Variants in AIDA observed in about 807,000 individuals in gnomAD.
The protein encoded by AIDA is axin interactor, dorsalization associated.
In AIDA, 18 loss-of-function variants were observed where a neutral mutation model predicts 42.7. That is an observed-to-expected ratio of 0.42 (90% CI 0.29 to 0.63). AIDA has a LOEUF of 0.63. Among genes scored for constraint, AIDA ranks in the 20% least tolerant of loss-of-function variants. AIDA has a pLI of 0.19. For missense variants in AIDA, 250 were observed against 354.1 expected (o/e 0.71, Z 2.36); for synonymous variants, 104 against 122.9 (o/e 0.85, Z 1.02).
chr1:222,679,245 C>T (rs1664610052), intron 6 of AIDA, among the ~76,000 whole-genome samples: 1 of 150,118 alleles, frequency 6.7e-6, no homozygotes, highest in South Asian at 2.1e-4. Flanking sequence ...AATTAAAAAT[C>T]AAGGCAATGT....
In AIDA at chr1:222,698,911, C is replaced by T. The variant is rs369225067; in HGVS notation, c.180+4237G>A. Among the ~76,000 whole-genome samples, 22 of 152,046 alleles carry T rather than the reference C, an allele frequency of 1.4e-4. No individual in the cohort carries two copies. The South Asian group carries it at 4.4e-3, about 30-fold the overall frequency. ...CAGGATCTTGGTTCACTGCAAGCTCCGCCTCCCAGGTTCATGCCATTGTTC... is the reference window on the plus strand; with the variant it reads ...CAGGATCTTGGTTCACTGCAAGCTCTGCCTCCCAGGTTCATGCCATTGTTC... On this transcript the variant is annotated intron_variant, in intron 2 of 9. Coordinates refer to ENST00000340020, the MANE Select transcript of AIDA (RefSeq NM_022831.4).
intron 1 of AIDA, among the ~76,000 whole-genome samples, chr1:222,705,066 A>G (rs971609204): frequency 2.6e-5 from 4 of 152,224 alleles, no homozygotes; most frequent in Non-Finnish European, 4.4e-5. Context: ...CCTCTATCCA[A>G]TTTATGAAAG....
intron 4 of AIDA, among the ~76,000 whole-genome samples, chr1:222,692,777 A>T (rs966482786): frequency 1.5e-4 from 23 of 152,176 alleles, no homozygotes; most frequent in Non-Finnish European, 2.4e-4. Flanking sequence ...TTGAAGGATG[A>T]ATTTATGGAA....
intron 2 of AIDA, among the ~76,000 whole-genome samples, chr1:222,697,968 G>T (rs968890139): frequency 6.6e-6 from 1 of 151,008 alleles, no homozygotes; most frequent in Non-Finnish European, 1.5e-5. Context: ...ACAGGGAAAC[G>T]CTTTCTAAGC....
intron 6 of AIDA, among the ~76,000 whole-genome samples, chr1:222,680,422 A>C (rs1159126822): frequency 1.3e-5 from 2 of 152,182 alleles, no homozygotes; most frequent in African/African-American, 2.4e-5. Flanking sequence ...TTTTCAATTC[A>C]ATGTGATTTC....
intron 4 of AIDA, among the ~76,000 whole-genome samples, chr1:222,688,603 A>AT (rs137904990): frequency 0.035 from 5,101 of 145,110 alleles, 241 homozygotes; most frequent in African/African-American, 0.11. Context: ...AAAAAAGTTA[A>AT]TTTTTTTTTT....
intron 6 of AIDA, 47 bp downstream of exon 6, chr1:222,686,883 C>T (rs1229044084): frequency 1.1e-5 from 17 of 1,580,250 alleles, no homozygotes; most frequent in Non-Finnish European, 1.4e-5. Flanking sequence ...AACACCCTGA[C>T]TCTGGTTGCA....
intron 4 of AIDA, among the ~76,000 whole-genome samples, chr1:222,688,769 T>G (rs1655268264): frequency 6.6e-6 from 1 of 152,092 alleles, no homozygotes; most frequent in African/African-American, 2.4e-5. Flanking sequence ...CTGGCTAATT[T>G]TTGTATTTTT....
At chr1:222,695,720 T>C (rs1022679463) in intron 2 of AIDA, among the ~76,000 whole-genome samples, 5 of 152,310 alleles carry the variant, frequency 3.3e-5, no homozygotes, top group South Asian at 4.1e-4. Context: ...CCAAAAGAGA[T>C]ACTTCTTAAG....
At chr1:222,694,404 T>C (rs1219188214) in intron 2 of AIDA, 141 bp from the exon 3 acceptor site, 3 of 766,180 alleles carry the variant, frequency 3.9e-6, no homozygotes, top group Non-Finnish European at 6.4e-6. Context: ...TCTTTCAGAC[T>C]CTAGAGAAAA....
intron 1 of AIDA, among the ~76,000 whole-genome samples, chr1:222,711,053 C>T (rs1052723461): frequency 8.0e-6 from 1 of 124,280 alleles, no homozygotes; most frequent in Non-Finnish European, 1.6e-5. Flanking sequence ...AAGTACCAAG[C>T]GTATATTCTT....
rs1202493880 is a variant in AIDA at position 222,676,211 on chromosome 1, T to C, written c.468A>G (p.Leu156=). The C allele has an allele frequency of 6.2e-7, 1 of 1,607,614 alleles. No individual in the cohort carries two copies. Among genetic ancestry groups the C allele is most frequent in the Non-Finnish European group, 8.5e-7 (1 of 1,178,198 alleles). The part of the protein sequence containing the change: ...DSFPARVPGT[L]LPRLPSEPGM... ...CTGGTTCCGATGGCAACCTTGGTAATAAAGTACCTGGCAACAGAGAAAAAG... is the reference window on the plus strand; with the variant it reads ...CTGGTTCCGATGGCAACCTTGGTAACAAAGTACCTGGCAACAGAGAAAAAG... Residue 156 remains leucine, a synonymous_variant, in exon 7 of 10, where the codon TTA becomes TTG. Transcript: ENST00000340020.
In AIDA at chr1:222,685,631, C is replaced by G. The variant is rs2124955698; in HGVS notation, c.460+1299G>C. On this transcript the variant is annotated intron_variant, in intron 6 of 9. Coordinates refer to ENST00000340020, the MANE Select transcript of AIDA (RefSeq NM_022831.4). ...TAAACTAGTTTATTAGAAATAAAAA[C>G]TGTACTTTATAAGAACAGAACAGAG... is the stretch of plus-strand genomic sequence containing the variant. Among the ~76,000 whole-genome samples, 3 of 152,276 alleles carry G rather than the reference C, an allele frequency of 2.0e-5. No homozygotes were observed. In the Middle Eastern group the frequency reaches 0.01, roughly 518 times the overall value.
At chr1:222,709,301 C>T (rs568874288) in intron 1 of AIDA, among the ~76,000 whole-genome samples, 2 of 151,952 alleles carry the variant, frequency 1.3e-5, no homozygotes, top group Admixed American at 6.6e-5. Flanking sequence ...CGTGGTAGTG[C>T]GCGCCTGTAA....
Position 222,686,956 on chromosome 1 carries a change from G to A in AIDA, c.434C>T (p.Pro145Leu). Residue 145 changes from proline to leucine, a missense_variant, in exon 6 of 10, where the codon CCT (proline) becomes CTT (leucine). Transcript: ENST00000340020. ...EEEGGAGAGS[P>L]DSFPARVPGT... ...GGGAACTCTAGCAGGAAAAGAATCAGGAGACCCTGCTCCAGCACCACCCTC... is the reference window on the plus strand; with the variant it reads ...GGGAACTCTAGCAGGAAAAGAATCAAGAGACCCTGCTCCAGCACCACCCTC... 1 of 1,613,758 alleles carries A rather than the reference G, an allele frequency of 6.2e-7. No individual in the cohort carries two copies. Among genetic ancestry groups the A allele is most frequent in the South Asian group, 1.1e-5 (1 of 91,020 alleles).
intron 2 of AIDA, among the ~76,000 whole-genome samples, chr1:222,697,034 C>G (rs1655539238): frequency 6.6e-6 from 1 of 152,046 alleles, no homozygotes; most frequent in Admixed American, 6.5e-5. Flanking sequence ...CCTCCGCCTC[C>G]CAGGCTCAAG....
chr1:222,672,804 A>C (rs888577065), intron 8 of AIDA, among the ~76,000 whole-genome samples: 2 of 152,248 alleles, frequency 1.3e-5, no homozygotes, highest in Non-Finnish European at 2.9e-5. Context: ...GAGAACACTC[A>C]AATTTCCACT....
chr1:222,706,960 T>C (rs1655855743), intron 1 of AIDA, among the ~76,000 whole-genome samples: 1 of 151,848 alleles, frequency 6.6e-6, no homozygotes, highest in African/African-American at 2.4e-5. Context: ...AGTGGTAGTC[T>C]GTTGCTAGAG....
chr1:222,696,269 C>T (rs187994988), intron 2 of AIDA, among the ~76,000 whole-genome samples: 499 of 152,306 alleles, frequency 3.3e-3, no homozygotes, highest in Non-Finnish European at 5.2e-3. Context: ...GTCTTTTCTA[C>T]GTAGAATCCA....
Sources: gnomAD v4.1 joint callset for allele counts (sites outside exome capture counted in the v4.1 genomes callset) on GRCh38, gnomAD v4.1.1 for gene constraint, MANE v1.5 for transcripts, NCBI Gene and HGNC (gene_info 2026-07-23, HGNC 2026-07-21) for gene names.